Variants in NCALD observed in about 807,000 individuals in gnomAD.
NCALD encodes the protein neurocalcin-delta.
NCALD carries 10 observed loss-of-function variants against 18.6 expected under a neutral mutation model. The ratio of observed to expected loss-of-function variants is 0.54; its 90% CI spans 0.33 to 0.91. NCALD has a LOEUF of 0.91. NCALD is among the 40% of genes least tolerant of loss of function. The probability of loss-of-function intolerance (pLI) is 0.03; values close to 1 mark genes in which losing one functional copy is unlikely to be tolerated. For synonymous variants in NCALD, 88 were observed against 87.4 expected (o/e 1.01, Z -0.04); for missense variants, 184 against 247.6 (o/e 0.74, Z 1.72).
intron 3 of NCALD, among the ~76,000 whole-genome samples, chr8:101,912,394 G>A (rs950839315): frequency 6.6e-6 from 1 of 152,300 alleles, no homozygotes; most frequent in Admixed American, 6.5e-5. Context: ...ATATTTTTGT[G>A]CAAATTTCCT....
chr8:101,766,903 T>A lies in NCALD; in HGVS notation c.-20+23959A>T, dbSNP rs895130289. 1.3e-5 allele frequency among the ~76,000 whole-genome samples: 2 copies of A among 152,220 alleles called. 1 individual carries two copies. The highest frequency in any genetic ancestry group is 4.1e-4 in the South Asian group (2 of 4,832). On this transcript the variant is annotated intron_variant, in intron 1 of 3. Coordinates refer to ENST00000220931, the MANE Select transcript of NCALD (RefSeq NM_032041.3). ...CCCGCAAAGAAGTTTTAAAACTATATATGTATACATACACATAATATACAC... is the reference window on the plus strand; with the variant it reads ...CCCGCAAAGAAGTTTTAAAACTATAAATGTATACATACACATAATATACAC...
chr8:102,043,676 G>C (rs1586970303), intron 1 of NCALD, among the ~76,000 whole-genome samples: 1 of 150,130 alleles, frequency 6.7e-6, no homozygotes, highest in Non-Finnish European at 1.5e-5. Flanking sequence ...AAGAGAAGGA[G>C]GAGGAAGACG....
intron 4 of NCALD, among the ~76,000 whole-genome samples, chr8:101,809,177 T>C (rs376496881): frequency 5.3e-5 from 8 of 152,200 alleles, no homozygotes; most frequent in African/African-American, 1.7e-4. Context: ...TAAACTTTAA[T>C]ATTTGGTAAT....
chr8:102,091,695 G>A (rs141083058), intron 1 of NCALD, among the ~76,000 whole-genome samples: 1,850 of 152,286 alleles, frequency 0.012, 19 homozygotes, highest in Non-Finnish European at 0.019. Context: ...TAAGCTTACT[G>A]AATGTTTTCT....
chr8:101,861,168 CTG>C (rs1407218322), intron 4 of NCALD, among the ~76,000 whole-genome samples: 1 of 152,006 alleles, frequency 6.6e-6, no homozygotes, highest in Non-Finnish European at 1.5e-5. Flanking sequence ...GATAGTAAAT[CTG>C]TGTTACTTTA....
intron 4 of NCALD, among the ~76,000 whole-genome samples, chr8:101,859,333 A>C (rs546876309): frequency 5.0e-4 from 76 of 152,232 alleles, no homozygotes; most frequent in Admixed American, 3.3e-3. Flanking sequence ...CCTACTTTTA[A>C]GGTTTTGGGA....
At chr8:101,931,741 T>C (rs1586777450) in intron 2 of NCALD, among the ~76,000 whole-genome samples, 1 of 152,200 alleles carries the variant, frequency 6.6e-6, no homozygotes, top group East Asian at 1.9e-4. Context: ...TGTATGGGTG[T>C]AGTCCTGTCC....
intron 1 of NCALD, among the ~76,000 whole-genome samples, chr8:102,101,040 T>G (rs549078968): frequency 6.6e-6 from 1 of 152,306 alleles, no homozygotes; most frequent in South Asian, 2.1e-4. Flanking sequence ...TAAAAATGGT[T>G]AAAATGGTAA....
chr8:101,967,880 C>T lies in NCALD; in HGVS notation c.-156-52022G>A, dbSNP rs533426194. Among the ~76,000 whole-genome samples the T allele has an allele frequency of 2.0e-5, 3 of 152,052 alleles. No individual in the cohort carries two copies. In the East Asian group the frequency reaches 5.8e-4, roughly 29 times the overall value. On this transcript the variant is annotated intron_variant, in intron 2 of 6. Coordinates refer to the NCALD transcript ENST00000311028. ...ACACACACACACATGCACTCACCCT[C>T]AGTCATTTCATGCCAGATGCTCTGC...
chr8:101,759,846 C>CA (rs1257286598), intron 1 of NCALD, among the ~76,000 whole-genome samples: 1 of 152,260 alleles, frequency 6.6e-6, no homozygotes, highest in East Asian at 1.9e-4. Context: ...AATGTATCAT[C>CA]AGTAAGGGCA....
At chr8:102,096,836 T>A (rs1465365123) in intron 1 of NCALD, among the ~76,000 whole-genome samples, 2 of 152,256 alleles carry the variant, frequency 1.3e-5, no homozygotes, top group Non-Finnish European at 2.9e-5. Context: ...TCTGCTTTTG[T>A]CGCTTCATTC....
chr8:101,963,487 C>T (rs1586834536), intron 2 of NCALD, among the ~76,000 whole-genome samples: 2 of 152,272 alleles, frequency 1.3e-5, no homozygotes, highest in African/African-American at 4.8e-5. Context: ...CCAGTTGTTG[C>T]TGGCATCACT....
chr8:102,001,544 C>T (rs1237157573), intron 2 of NCALD, among the ~76,000 whole-genome samples: 4 of 152,026 alleles, frequency 2.6e-5, no homozygotes, highest in African/African-American at 7.3e-5. Flanking sequence ...AGATACTCCT[C>T]GAGAAGAGCA....
chr8:102,102,237 A>T lies in NCALD; in HGVS notation c.-210+22000T>A, dbSNP rs1051743672. On this transcript the variant is annotated intron_variant, in intron 1 of 6. Coordinates refer to the NCALD transcript ENST00000311028. ...TGGGCACAGCAGGTAATACAAAAAA[A>T]AATTGTGTCCATCCTCCTGTCACAA... Among the ~76,000 whole-genome samples the T allele has an allele frequency of 7.6e-4, 116 of 152,322 alleles. 1 individual carries two copies. Among genetic ancestry groups the T allele is most frequent in the Non-Finnish European group, 1.4e-3 (95 of 68,024 alleles).
intron 2 of NCALD, among the ~76,000 whole-genome samples, chr8:101,931,926 G>C (rs1586777789): frequency 6.6e-6 from 1 of 152,064 alleles, no homozygotes; most frequent in Non-Finnish European, 1.5e-5. Context: ...GCCCATATCT[G>C]TCTTACTCAT....
chr8:101,747,157 CCA>C (rs1269253847), intron 1 of NCALD, among the ~76,000 whole-genome samples: 1 of 152,094 alleles, frequency 6.6e-6, no homozygotes, highest in Non-Finnish European at 1.5e-5. Flanking sequence ...TTTTCCTGCC[CCA>C]CACACACAGA....
chr8:101,904,968 A>C (rs754930899), intron 3 of NCALD, among the ~76,000 whole-genome samples: 2 of 152,208 alleles, frequency 1.3e-5, no homozygotes, highest in Non-Finnish European at 2.9e-5. Flanking sequence ...TAATCCCCAC[A>C]ATCAAAGGTG....
At chr8:101,706,355 T>C (rs919707119) in intron 2 of NCALD, among the ~76,000 whole-genome samples, 74 of 150,908 alleles carry the variant, frequency 4.9e-4, no homozygotes, top group African/African-American at 1.8e-3. Context: ...GTTTGGGCAA[T>C]GATGAATTTG....
intron 4 of NCALD, among the ~76,000 whole-genome samples, chr8:101,816,708 A>G (rs1315419780): frequency 6.6e-6 from 1 of 152,188 alleles, no homozygotes; most frequent in Non-Finnish European, 1.5e-5. Context: ...TCCCCGCTAC[A>G]ATACTATGAT....
Sources: allele counts gnomAD v4.1 joint callset (sites outside exome capture counted in the v4.1 genomes callset), GRCh38; gene constraint gnomAD v4.1.1; transcripts MANE v1.5; gene names NCBI Gene and HGNC (gene_info 2026-07-23, HGNC 2026-07-21).